TMCO1: variants seen among roughly 807,000 people sequenced by gnomAD.
TMCO1 encodes calcium load-activated calcium channel.
TMCO1 carries 29 observed loss-of-function variants against 29.3 expected under a neutral mutation model. The ratio of observed to expected loss-of-function variants is 0.99; its 90% CI spans 0.74 to 1.35. The LOEUF (loss-of-function observed/expected upper bound fraction) is 1.35. Ranked by LOEUF, TMCO1 falls within the 40% of genes most tolerant of loss-of-function variation. The pLI is 0.00. For synonymous variants in TMCO1, 80 were observed against 77.1 expected, an observed-to-expected ratio of 1.04 and a Z score of -0.20; for missense variants, 173 against 225.5, an observed-to-expected ratio of 0.77 and a Z score of 1.49.
intron 4 of TMCO1, among the ~76,000 whole-genome samples, chr1:165,752,458 T>C (rs1293190581): frequency 6.6e-6 from 1 of 151,468 alleles, no homozygotes; most frequent in Non-Finnish European, 1.5e-5. Context: ...AGTTTCACCG[T>C]GTTAGCCAGG....
chr1:165,751,340 T>C lies in TMCO1; in HGVS notation c.323+762A>G, dbSNP rs529422642. ...TAGAGAACCCATAATGCCTACGCCT[T>C]ATGTCTTATACATAAAACACCCTCA... On this transcript the variant is annotated intron_variant, in intron 5 of 6. Coordinates refer to ENST00000367881, the MANE Select transcript of TMCO1 (RefSeq NM_019026.6). Among the ~76,000 whole-genome samples, 23 of 152,338 alleles carry C rather than the reference T, an allele frequency of 1.5e-4. No individual in the cohort carries two copies. In the East Asian group the frequency reaches 4.1e-3, roughly 27 times the overall value.
At chr1:165,742,379 C>T (rs779540306) in intron 6 of TMCO1, among the ~76,000 whole-genome samples, 7 of 152,102 alleles carry the variant, frequency 4.6e-5, no homozygotes, top group Non-Finnish European at 7.4e-5. Context: ...CTTCCGACCT[C>T]GGCCTCTAGG....
rs192517251 is a variant in TMCO1, at chr1:165,740,850, T to G, written c.468+2317A>C. The stretch of plus-strand genomic sequence containing the variant: ...TGTGATGTCCTCCACCATCTTATGA[T>G]GTAGCAGGAAGGCCCTCAGTAGATG... On this transcript the variant is annotated intron_variant, in intron 6 of 6. Coordinates refer to ENST00000367881, the MANE Select transcript of TMCO1 (RefSeq NM_019026.6). Among the ~76,000 whole-genome samples, 233 of 152,344 alleles carry G rather than the reference T, an allele frequency of 1.5e-3. 2 individuals are homozygous for G. The highest frequency in any genetic ancestry group is 5.4e-3 in the African/African-American group (223 of 41,588).
At chr1:165,741,339 A>G (rs927027522) in intron 6 of TMCO1, among the ~76,000 whole-genome samples, 1 of 152,164 alleles carries the variant, frequency 6.6e-6, no homozygotes, top group Non-Finnish European at 1.5e-5. Flanking sequence ...CTACACTATT[A>G]TAATAGTCTT....
chr1:165,752,077 C>CA lies in TMCO1; in HGVS notation c.323+24dup, dbSNP rs752212856. On this transcript the variant is annotated intron_variant, in intron 5 of 6. Transcript: ENST00000367881. ...CAAATATAGAGTAATAGTTATTAGT[C>CA]AAAAGCATATAAAAGGACACTCACA... is the stretch of plus-strand genomic sequence containing the variant. 1.6e-5 allele frequency: 25 copies of CA among 1,577,672 alleles called. No homozygotes were observed. The African/African-American group carries it at 3.4e-4, about 21-fold the overall frequency.
At chr1:165,753,399 G>T (rs1652070244) in intron 4 of TMCO1, among the ~76,000 whole-genome samples, 1 of 150,942 alleles carries the variant, frequency 6.6e-6, no homozygotes, top group Non-Finnish European at 1.5e-5. Context: ...CACAAGCCCA[G>T]GTGGCAGAGT....
intron 4 of TMCO1, among the ~76,000 whole-genome samples, chr1:165,752,977 C>A (rs1266233212): frequency 6.6e-6 from 1 of 152,048 alleles, no homozygotes; most frequent in African/African-American, 2.4e-5. Flanking sequence ...TAAAAGAGAA[C>A]TATTGCACAG....
chr1:165,737,305 T>C (rs1345312061), intron 6 of TMCO1, among the ~76,000 whole-genome samples: 2 of 150,536 alleles, frequency 1.3e-5, no homozygotes, highest in African/African-American at 4.9e-5. Context: ...TGAAGACAGA[T>C]CAACAGAAAT....
At chr1:165,768,412 C>T (rs1253797015) in intron 1 of TMCO1, 143 bp from the exon 2 acceptor site, 1 of 1,507,634 alleles carries the variant, frequency 6.6e-7, no homozygotes, top group African/African-American at 1.4e-5. Context: ...GCTAATACAA[C>T]TGACTCTTCA....
intron 3 of TMCO1, chr1:165,755,063 C>A (rs2101809575): frequency 6.6e-6 from 1 of 152,210 alleles, no homozygotes; most frequent in Non-Finnish European, 1.5e-5. Flanking sequence ...AATACAACAT[C>A]TATGAAATTT....
At chr1:165,760,996 A>G (rs1158485426) in intron 2 of TMCO1, among the ~76,000 whole-genome samples, 1 of 152,178 alleles carries the variant, frequency 6.6e-6, no homozygotes, top group East Asian at 1.9e-4. Context: ...TAAAACCTAC[A>G]TTAAAGAGAA....
intron 5 of TMCO1, among the ~76,000 whole-genome samples, chr1:165,745,274 C>T (rs1651754779): frequency 6.7e-6 from 1 of 149,426 alleles, no homozygotes; most frequent in South Asian, 2.1e-4. Context: ...CCTCCTGCCT[C>T]AGCCTCCCAA....
At chr1:165,743,136 T>TG in intron 6 of TMCO1, 31 bp downstream of exon 6, 1 of 1,612,818 alleles carries the variant, frequency 6.2e-7, no homozygotes, top group Non-Finnish European at 8.5e-7. Context: ...AGGAAAAATA[T>TG]ACATATTAAA....
chr1:165,739,492 A>T (rs1651509294), intron 6 of TMCO1, among the ~76,000 whole-genome samples: 1 of 151,962 alleles, frequency 6.6e-6, no homozygotes, highest in Non-Finnish European at 1.5e-5. Flanking sequence ...GGCTCAAGCA[A>T]TCTTCCCACC....
At chr1:165,731,425 A>G (rs749559053) in intron 6 of TMCO1, among the ~76,000 whole-genome samples, 89 of 152,348 alleles carry the variant, frequency 5.8e-4, no homozygotes, top group Non-Finnish European at 8.2e-4. Context: ...GCTGATAAAC[A>G]TATTTGTCTA....
At position 165,727,490 on chromosome 1, in the gene TMCO1, A is replaced by G. The variant is rs1324992732; in HGVS notation, c.*533T>C. The G allele has an allele frequency of 2.2e-6, 1 of 454,054 alleles. No individual in the cohort carries two copies. The highest frequency in any genetic ancestry group is 4.4e-6 in the Non-Finnish European group (1 of 226,782). 28.1% of individuals were successfully genotyped at this position (454,054 alleles called of 1,614,324 possible). A position where few individuals can be genotyped will look rare whatever the true frequency, so the allele number is the denominator to read the frequency against. ...TTTTAGTCCTTCCTGGCCCATGCTA[A>G]AACTTATATCTAGAAATACGGCAAA... On this transcript the variant is annotated 3_prime_UTR_variant, in exon 7 of 7. Coordinates refer to ENST00000367881, the MANE Select transcript of TMCO1 (RefSeq NM_019026.6).
At chr1:165,734,730 T>A (rs1207834702) in intron 6 of TMCO1, among the ~76,000 whole-genome samples, 1 of 152,074 alleles carries the variant, frequency 6.6e-6, no homozygotes, top group Admixed American at 6.6e-5. Flanking sequence ...GTCTTGAACT[T>A]CTGACCTCGT....
intron 2 of TMCO1, among the ~76,000 whole-genome samples, chr1:165,767,820 T>C (rs937339690): frequency 6.6e-5 from 10 of 152,292 alleles, no homozygotes; most frequent in South Asian, 4.1e-4. Context: ...GCTGGGACTA[T>C]AGGTGTGTAC....
intron 5 of TMCO1, among the ~76,000 whole-genome samples, chr1:165,744,223 G>T (rs1265385345): frequency 1.3e-5 from 2 of 152,164 alleles, no homozygotes; most frequent in Non-Finnish European, 2.9e-5. Flanking sequence ...AGAGAGAGAT[G>T]ATTTACAATA....
Sources: gnomAD v4.1 joint callset for allele counts (sites outside exome capture counted in the v4.1 genomes callset) on GRCh38, gnomAD v4.1.1 for gene constraint, MANE v1.5 for transcripts, NCBI Gene and HGNC (gene_info 2026-07-23, HGNC 2026-07-21) for gene names.